The following CCNDBP1 variants were observed in gnomAD, a reference collection of about 807,000 sequenced individuals.
CCNDBP1 encodes the protein cyclin-D1-binding protein 1.
Under a neutral mutation model 46.2 loss-of-function variants are expected in CCNDBP1, and 45 were observed. That is an observed-to-expected ratio of 0.97 (90% CI 0.77 to 1.25). CCNDBP1 has a LOEUF of 1.25. Among genes scored for constraint, CCNDBP1 ranks in the 50% most tolerant of loss-of-function variants. The pLI, the probability that CCNDBP1 is intolerant of heterozygous loss-of-function variation, is 0.00. For missense variants in CCNDBP1, 436 were observed against 442.1 expected, an observed-to-expected ratio of 0.99 and a Z score of 0.12; for synonymous variants, 154 against 163.6, an observed-to-expected ratio of 0.94 and a Z score of 0.45.
At chr15:43,191,702 C>T in intron 8 of CCNDBP1, 27 bp downstream of exon 8, 1 of 1,592,490 alleles carries the variant, frequency 6.3e-7, no homozygotes, top group Non-Finnish European at 8.5e-7. Context: ...CTTGAAACAT[C>T]TGAGCAGCAG....
chr15:43,195,323 C>T lies in CCNDBP1; in HGVS notation c.*482C>T, dbSNP rs561484332. 1 of 152,424 alleles carries T rather than the reference C, an allele frequency of 6.6e-6. No individual in the cohort carries two copies. Among genetic ancestry groups the T allele is most frequent in the South Asian group, 2.1e-4 (1 of 4,826 alleles). 9.4% of individuals were successfully genotyped at this position (152,424 alleles called of 1,614,324 possible). On this transcript the variant is annotated 3_prime_UTR_variant, in exon 11 of 11. Coordinates refer to ENST00000300213, the MANE Select transcript of CCNDBP1 (RefSeq NM_012142.5). Reference sequence around the variant, plus strand: ...TCAGAAGTATATTTAGAACAAAACACTTTATTTATAAAAGATGACTCCAAA... The same window carrying T: ...TCAGAAGTATATTTAGAACAAAACATTTTATTTATAAAAGATGACTCCAAA...
chr15:43,191,625 G>T lies in CCNDBP1; in HGVS notation c.810G>T (p.Gln270His), dbSNP rs766441520. 6.2e-7 allele frequency: 1 copy of T among 1,612,302 alleles called. No homozygotes were observed. Among genetic ancestry groups the T allele is most frequent in the Non-Finnish European group, 8.5e-7 (1 of 1,179,992 alleles). ...MLVAENGKKD[Q>H]VAQLDDIVDI... Reference sequence around the variant, plus strand: ...TGGCAGAGAATGGGAAGAAGGATCAGGTGGCACAGCTGGATGACATTGTGG... The same window carrying T: ...TGGCAGAGAATGGGAAGAAGGATCATGTGGCACAGCTGGATGACATTGTGG... Residue 270 changes from glutamine to histidine, a missense_variant, in exon 8 of 11, where the codon CAG becomes CAT. By Grantham distance (24) the Gln-to-His change is conservative. Coordinates refer to ENST00000300213, the MANE Select transcript of CCNDBP1 (RefSeq NM_012142.5).
At position 43,192,031 on chromosome 15, in the gene CCNDBP1, A is replaced by G. The variant is rs559461591; in HGVS notation, c.860+356A>G. ...TCACATCCAAGAAATTTGACATTGAATATAATAGTATTATCTAATATTCAG... is the reference window on the plus strand; with the variant it reads ...TCACATCCAAGAAATTTGACATTGAGTATAATAGTATTATCTAATATTCAG... On this transcript the variant is annotated intron_variant, in intron 8 of 10. Coordinates refer to ENST00000300213, the MANE Select transcript of CCNDBP1 (RefSeq NM_012142.5). 2.6e-5 allele frequency among the ~76,000 whole-genome samples: 4 copies of G among 152,302 alleles called. No homozygotes were observed. In the South Asian group the frequency reaches 6.2e-4, roughly 24 times the overall value.
chr15:43,189,744 G>T, intron 4 of CCNDBP1: 1 of 386,756 alleles, frequency 2.6e-6, no homozygotes, highest in South Asian at 4.3e-5. Flanking sequence ...GGATCTTCAG[G>T]GTTACTCAAG....
At chr15:43,190,208 A>G (rs2041926482) in intron 5 of CCNDBP1, 57 bp downstream of exon 5, 10 of 1,597,766 alleles carry the variant, frequency 6.3e-6, no homozygotes, top group South Asian at 1.1e-5. Context: ...TCAGAGGGGA[A>G]AAGCTCATTT....
At chr15:43,194,157 G>T (rs1295644599) in intron 9 of CCNDBP1, 1 of 264,926 alleles carries the variant, frequency 3.8e-6, no homozygotes, top group Non-Finnish European at 6.8e-6. Context: ...TCCTTTTTCT[G>T]TCCTTTTTTA....
chr15:43,185,756 T>C, intron 1 of CCNDBP1, 64 bp from the exon 2 acceptor site: 2 of 1,547,486 alleles, frequency 1.3e-6, no homozygotes, highest in Non-Finnish European at 1.7e-6. Context: ...GCGAGGGAGG[T>C]GGCTCCGCTT....
intron 7 of CCNDBP1, 55 bp from the exon 8 acceptor site, chr15:43,191,340 C>A: frequency 8.0e-7 from 1 of 1,251,202 alleles, no homozygotes; most frequent in Non-Finnish European, 1.1e-6. Context: ...TAATAGGCCT[C>A]GCCTTTTTTT....
intron 6 of CCNDBP1, 132 bp from the exon 7 acceptor site, chr15:43,190,834 T>G: frequency 1.5e-6 from 1 of 669,212 alleles, no homozygotes; most frequent in African/African-American, 1.8e-5. Context: ...GAGAATTTTT[T>G]ATTAAACCCG....
At position 43,190,304 on chromosome 15, in the gene CCNDBP1, C is replaced by A. The variant is rs777463084; in HGVS notation, c.429-21C>A. ...CAGGAACCTAGGTTATTAATATATCCTTACTGATTTCTTTCCCCAGCCCTG... is the reference window on the plus strand; with the variant it reads ...CAGGAACCTAGGTTATTAATATATCATTACTGATTTCTTTCCCCAGCCCTG... On this transcript the variant is annotated intron_variant, in intron 5 of 10. Coordinates refer to ENST00000300213, the MANE Select transcript of CCNDBP1 (RefSeq NM_012142.5). The A allele has an allele frequency of 3.1e-6, 5 of 1,612,852 alleles. No individual in the cohort carries two copies. The Admixed American group carries it at 6.7e-5, about 22-fold the overall frequency.
intron 9 of CCNDBP1, 69 bp downstream of exon 9, chr15:43,192,872 C>A: frequency 7.3e-7 from 1 of 1,367,590 alleles, no homozygotes; most frequent in Non-Finnish European, 1.0e-6. Flanking sequence ...CTAGTATTTC[C>A]TGTAAGCTAT....
intron 2 of CCNDBP1, 49 bp from the exon 3 acceptor site, chr15:43,186,105 G>T (rs545408723): frequency 6.6e-7 from 1 of 1,526,408 alleles, no homozygotes; most frequent in South Asian, 1.1e-5. Flanking sequence ...TTCCAAGTCC[G>T]TGCAGCACTA....
In CCNDBP1 at chr15:43,195,915, T is replaced by A. The variant is rs1286155324; in HGVS notation, c.*1074T>A. On this transcript the variant is annotated 3_prime_UTR_variant, in exon 11 of 11. Coordinates refer to ENST00000300213, the MANE Select transcript of CCNDBP1 (RefSeq NM_012142.5). ...TCCTTAAGCCAAATGAGTTTTAGCT[T>A]ACTGTTTTGAAGTGCCATTTTGTAT... is the stretch of plus-strand genomic sequence containing the variant. The A allele has an allele frequency of 6.6e-6, 1 of 152,204 alleles. No homozygotes were observed. Among genetic ancestry groups the A allele is most frequent in the Non-Finnish European group, 1.5e-5 (1 of 68,038 alleles). 9.4% of individuals were successfully genotyped at this position (152,204 alleles called of 1,614,324 possible).
At position 43,186,151 on chromosome 15, in the gene CCNDBP1, C is replaced by G. The variant is rs368088564; in HGVS notation, c.170-3C>G. The G allele has an allele frequency of 1.2e-5, 20 of 1,613,916 alleles. No homozygotes were observed. The highest frequency in any genetic ancestry group is 1.6e-5 in the Non-Finnish European group (19 of 1,179,822). On this transcript the variant is annotated splice_polypyrimidine_tract_variant and splice_region_variant and intron_variant, in intron 2 of 10. Transcript: ENST00000300213. ...ACCTGCCTCCTCTTCGGCCACCCCCCAGATGAGGCAGCTGTGACTGTGTCA... is the reference window on the plus strand; with the variant it reads ...ACCTGCCTCCTCTTCGGCCACCCCCGAGATGAGGCAGCTGTGACTGTGTCA...
chr15:43,190,231 T>C, intron 5 of CCNDBP1, 80 bp downstream of exon 5: 1 of 1,585,628 alleles, frequency 6.3e-7, no homozygotes, highest in Non-Finnish European at 8.7e-7. Flanking sequence ...ACAGCAAAGT[T>C]ACTGACAGCT....
intron 4 of CCNDBP1, 29 bp from the exon 5 acceptor site, chr15:43,190,026 G>T (rs746788137): frequency 6.3e-7 from 1 of 1,591,834 alleles, no homozygotes; most frequent in African/African-American, 1.3e-5. Context: ...AAGAACACCA[G>T]GTTGCTTATT....
rs1439340796 is a variant in CCNDBP1 at position 43,190,961 on chromosome 15, C to A, written c.503-5C>A. The stretch of plus-strand genomic sequence containing the variant: ...ATTCTAGTGCTTCTGATTTTTCACT[C>A]ATAGATAACAAAGCTGCAGCTCTTT... On this transcript the variant is annotated splice_polypyrimidine_tract_variant and splice_region_variant and intron_variant, in intron 6 of 10. Coordinates refer to ENST00000300213, the MANE Select transcript of CCNDBP1 (RefSeq NM_012142.5). 3 of 1,612,216 alleles carry A rather than the reference C, an allele frequency of 1.9e-6. No individual in the cohort carries two copies. In the Admixed American group the frequency reaches 5.0e-5, roughly 27 times the overall value.
rs2041942372 is a variant in CCNDBP1, at chr15:43,191,102, A to T, written c.579+60A>T. Reference sequence around the variant, plus strand: ...TGACTAGTAGATGAGAATTAATTATAAAGAGAGATTTCCTGAGCATTGACC... The same window carrying T: ...TGACTAGTAGATGAGAATTAATTATTAAGAGAGATTTCCTGAGCATTGACC... On this transcript the variant is annotated intron_variant, in intron 7 of 10. Transcript: ENST00000300213. 24 of 1,344,580 alleles carry T rather than the reference A, an allele frequency of 1.8e-5. No individual in the cohort carries two copies. In the South Asian group the frequency reaches 2.8e-4, roughly 16 times the overall value. 83.3% of individuals were successfully genotyped at this position (1,344,580 alleles called of 1,614,324 possible).
rs186475660 is a variant in CCNDBP1, at chr15:43,187,104, A to T, written c.249+871A>T. On this transcript the variant is annotated intron_variant, in intron 3 of 10. Transcript: ENST00000300213. ...TTTTCTAGAGTTGTGTATGCTTAATATAGGAGTAAGATTCTTTTAAAATGG... is the reference window on the plus strand; with the variant it reads ...TTTTCTAGAGTTGTGTATGCTTAATTTAGGAGTAAGATTCTTTTAAAATGG... Among the ~76,000 whole-genome samples the T allele has an allele frequency of 1.2e-4, 19 of 152,314 alleles. No homozygotes were observed. The East Asian group carries it at 3.7e-3, about 29-fold the overall frequency.
Sources: gnomAD v4.1 joint callset for allele counts (sites outside exome capture counted in the v4.1 genomes callset) on GRCh38, gnomAD v4.1.1 for gene constraint, MANE v1.5 for transcripts, NCBI Gene and HGNC (gene_info 2026-07-23, HGNC 2026-07-21) for gene names.